The following AGBL4 variants were observed in gnomAD, a reference collection of about 807,000 sequenced individuals.
The protein encoded by AGBL4 is cytosolic carboxypeptidase 6.
In AGBL4, 58 loss-of-function variants were observed where a neutral mutation model predicts 66.4. The ratio of observed to expected loss-of-function variants is 0.87; its 90% CI spans 0.71 to 1.09. AGBL4 has a LOEUF of 1.09. Among genes scored for constraint, AGBL4 ranks in the 50% least tolerant of loss-of-function variants. AGBL4 has a pLI of 0.00. For synonymous variants in AGBL4, 234 were observed against 222.9 expected (o/e 1.05, Z -0.44); for missense variants, 579 against 631.0 (o/e 0.92, Z 0.88).
At chr1:49,175,871 A>T (rs988572682) in intron 4 of AGBL4, among the ~76,000 whole-genome samples, 7 of 152,140 alleles carry the variant, frequency 4.6e-5, no homozygotes, top group African/African-American at 7.2e-5. Flanking sequence ...AAAAGATAAG[A>T]TGCTACCTGT....
chr1:49,814,357 A>G (rs1024095455), intron 2 of AGBL4, among the ~76,000 whole-genome samples: 1 of 152,138 alleles, frequency 6.6e-6, no homozygotes, highest in African/African-American at 2.4e-5. Context: ...GACAGATGAC[A>G]GTGTCTTGAA....
intron 6 of AGBL4, among the ~76,000 whole-genome samples, chr1:48,765,410 G>T (rs1316067479): frequency 6.6e-6 from 1 of 152,056 alleles, no homozygotes; most frequent in Admixed American, 6.6e-5. Flanking sequence ...AAAAATAAAA[G>T]GAAAATAACA....
At chr1:48,933,147 C>T (rs1655172047) in intron 5 of AGBL4, among the ~76,000 whole-genome samples, 2 of 152,054 alleles carry the variant, frequency 1.3e-5, no homozygotes, top group Admixed American at 1.3e-4. Context: ...TAGTCTCTAC[C>T]TTCCATGGTT....
rs559599516 is a variant in AGBL4, at chr1:49,836,627, G to GA, written c.157+14768dup. 1.3e-3 allele frequency among the ~76,000 whole-genome samples: 194 copies of GA among 152,258 alleles called. 2 individuals carry two copies. The highest frequency in any genetic ancestry group is 5.5e-3 in the Admixed American group (84 of 15,304). On this transcript the variant is annotated intron_variant, in intron 2 of 13. Coordinates refer to ENST00000371839, the MANE Select transcript of AGBL4 (RefSeq NM_032785.4). The stretch of plus-strand genomic sequence containing the variant: ...CTAGTTTTGTTCCCTTGCTGGCGAG[G>GA]AGTTATGATCCTTTGGAGGAGAAGA...
At chr1:48,986,499 A>G (rs1224001758) in intron 5 of AGBL4, among the ~76,000 whole-genome samples, 1 of 152,088 alleles carries the variant, frequency 6.6e-6, no homozygotes, top group African/African-American at 2.4e-5. Flanking sequence ...AAGTGAGATG[A>G]CAGAGCAACA....
chr1:48,701,458 C>CT (rs1557888650), intron 6 of AGBL4, among the ~76,000 whole-genome samples: 4 of 19,054 alleles, frequency 2.1e-4, no homozygotes, highest in African/African-American at 2.7e-4. Context: ...TTTTCTTTTC[C>CT]TTTTTTTTTC....
At chr1:48,895,591 G>T (rs907361703) in intron 5 of AGBL4, among the ~76,000 whole-genome samples, 5 of 152,210 alleles carry the variant, frequency 3.3e-5, no homozygotes, top group Non-Finnish European at 1.5e-5. Context: ...TCAATCAAGC[G>T]AGTTGATTTT....
intron 3 of AGBL4, among the ~76,000 whole-genome samples, chr1:49,266,635 AG>A (rs1643926718): frequency 7.0e-6 from 1 of 143,324 alleles, no homozygotes; most frequent in Non-Finnish European, 1.6e-5. Context: ...ACACACGCGA[AG>A]GTAGAGTCTG....
At chr1:49,483,062 G>T (rs540668510) in intron 3 of AGBL4, among the ~76,000 whole-genome samples, 2 of 152,136 alleles carry the variant, frequency 1.3e-5, no homozygotes, top group South Asian at 4.2e-4. Flanking sequence ...TAGAGTAAGT[G>T]CCATGTGGAA....
At chr1:48,808,579 T>A (rs1460590698) in intron 6 of AGBL4, among the ~76,000 whole-genome samples, 14 of 152,170 alleles carry the variant, frequency 9.2e-5, no homozygotes, top group Non-Finnish European at 2.9e-5. Context: ...AAAACCAATT[T>A]TTTTTGCCCA....
intron 3 of AGBL4, among the ~76,000 whole-genome samples, chr1:49,445,624 CT>C (rs1178572359): frequency 3.3e-5 from 5 of 151,820 alleles, no homozygotes; most frequent in Non-Finnish European, 7.4e-5. Context: ...GAGATTCTTT[CT>C]TTTGTCTTAT....
intron 3 of AGBL4, among the ~76,000 whole-genome samples, chr1:49,575,933 T>A (rs938758856): frequency 2.0e-5 from 3 of 152,226 alleles, no homozygotes; most frequent in African/African-American, 4.8e-5. Flanking sequence ...ATTACACTGA[T>A]GACATTATGC....
rs562136185 is a variant in AGBL4 at position 49,931,357 on chromosome 1, G to A, written c.35-79839C>T. On this transcript the variant is annotated intron_variant, in intron 1 of 13. Transcript: ENST00000371839. ...CTATAAAGATACTACCTGAGACTGG[G>A]TAATTTATAAACAAAGAAGGTTTAA... is the stretch of plus-strand genomic sequence containing the variant. Among the ~76,000 whole-genome samples the A allele has an allele frequency of 2.6e-5, 4 of 152,218 alleles. No homozygotes were observed. The South Asian group carries it at 8.3e-4, about 32-fold the overall frequency.
intron 5 of AGBL4, among the ~76,000 whole-genome samples, chr1:49,011,468 T>A (rs1662404055): frequency 6.6e-6 from 1 of 152,188 alleles, no homozygotes; most frequent in South Asian, 2.1e-4. Context: ...TGCAAGTCAG[T>A]GTGGCGATTC....
At position 49,245,683 on chromosome 1, in the gene AGBL4, T is replaced by G. The variant is rs551442927; in HGVS notation, c.377+87A>C. On this transcript the variant is annotated intron_variant, in intron 4 of 13. Coordinates refer to ENST00000371839, the MANE Select transcript of AGBL4 (RefSeq NM_032785.4). ...AAAAATTTTTATTTTTAATTTTTTT[T>G]GGGGGTCCATTAGTAGGTGTGTATA... is the stretch of plus-strand genomic sequence containing the variant. 1.6e-3 allele frequency: 1,366 copies of G among 853,490 alleles called. 1 individual carries two copies. The highest frequency in any genetic ancestry group is 5.1e-3 in the African/African-American group (299 of 58,098). 52.9% of individuals were successfully genotyped at this position (853,490 alleles called of 1,614,324 possible).
chr1:49,008,258 C>T (rs1252935969), intron 5 of AGBL4, among the ~76,000 whole-genome samples: 1 of 151,886 alleles, frequency 6.6e-6, no homozygotes, highest in Admixed American at 6.6e-5. Context: ...TTTAAACCAA[C>T]AAAGATCAAA....
chr1:48,892,541 T>C (rs963138292), intron 5 of AGBL4, among the ~76,000 whole-genome samples: 1 of 152,120 alleles, frequency 6.6e-6, no homozygotes, highest in African/African-American at 2.4e-5. Flanking sequence ...AAATGAACAT[T>C]GGTTCCGTCT....
chr1:49,922,368 G>A (rs866285651), intron 1 of AGBL4, among the ~76,000 whole-genome samples: 91 of 152,116 alleles, frequency 6.0e-4, no homozygotes, highest in African/African-American at 2.0e-3. Context: ...GGAAAAAGCT[G>A]GAAGTATTCC....
intron 1 of AGBL4, among the ~76,000 whole-genome samples, chr1:49,986,072 A>C (rs1322812399): frequency 6.6e-6 from 1 of 152,136 alleles, no homozygotes; most frequent in Non-Finnish European, 1.5e-5. Flanking sequence ...AACTCTTTTT[A>C]TGTAGATGTA....
Sources: gnomAD v4.1 joint callset for allele counts (sites outside exome capture counted in the v4.1 genomes callset) on GRCh38, gnomAD v4.1.1 for gene constraint, MANE v1.5 for transcripts, NCBI Gene and HGNC (gene_info 2026-07-23, HGNC 2026-07-21) for gene names.